ARL6IP1: variants seen among roughly 807,000 people sequenced by gnomAD.
The protein encoded by ARL6IP1 is ADP-ribosylation factor-like protein 6-interacting protein 1.
ARL6IP1 carries 16 observed loss-of-function variants against 30.1 expected under a neutral mutation model. The observed-to-expected ratio is 0.53, with a 90% CI of 0.36 to 0.81. The LOEUF (loss-of-function observed/expected upper bound fraction) is 0.81, where lower values mean the gene tolerates loss of function less well. Ranked by LOEUF, ARL6IP1 falls within the 30% of genes least tolerant of loss-of-function variation. The pLI is 0.01. For synonymous variants in ARL6IP1, 72 were observed against 84.8 expected, an observed-to-expected ratio of 0.85 and a Z score of 0.83; for missense variants, 173 against 242.7, an observed-to-expected ratio of 0.71 and a Z score of 1.91.
chr16:18,798,116 C>G, intron 2 of ARL6IP1, 72 bp from the exon 3 acceptor site: 1 of 1,386,162 alleles, frequency 7.2e-7, no homozygotes, highest in Admixed American at 2.5e-5. Flanking sequence ...TCTAACTTAA[C>G]TATTCACTTA....
chr16:18,800,877 G>A (rs578216535), intron 1 of ARL6IP1, among the ~76,000 whole-genome samples: 4 of 150,344 alleles, frequency 2.7e-5, no homozygotes, highest in Non-Finnish European at 4.4e-5. Context: ...CCAGACAAAC[G>A]CCAAGACATC....
In ARL6IP1 at chr16:18,797,869, C is replaced by G. The variant is rs1365702847; in HGVS notation, c.290+56G>C. ...CTTATTTACAGCATACTAATCACAG[C>G]CACCAAGTTCAGTAACTACACAAAA... On this transcript the variant is annotated intron_variant, in intron 3 of 5. Coordinates refer to ENST00000304414, the MANE Select transcript of ARL6IP1 (RefSeq NM_015161.3). The G allele has an allele frequency of 8.2e-6, 13 of 1,581,946 alleles. No homozygotes were observed. In the South Asian group the frequency reaches 1.3e-4, roughly 16 times the overall value.
chr16:18,798,035 G>A lies in ARL6IP1; in HGVS notation c.180C>T (p.Tyr60=), dbSNP rs1474221653. 6.3e-6 allele frequency: 10 copies of A among 1,595,032 alleles called. No individual in the cohort carries two copies. Among genetic ancestry groups the A allele is most frequent in the Admixed American group, 3.6e-5 (2 of 55,230 alleles). ...CGGACAGAACAGATGGATCTAGATA[G>A]TAGATAATCCTGTTAAAAAAATTAA... ...GVVSLVFLII[Y]YLDPSVLSGV... The change falls in exon 3 of 6, where the codon TAC becomes TAT. Residue 60 remains tyrosine, a synonymous_variant. Transcript: ENST00000304414.
chr16:18,801,406 C>A (rs1253897576), intron 1 of ARL6IP1, 25 bp downstream of exon 1: 6 of 1,612,128 alleles, frequency 3.7e-6, no homozygotes, highest in Non-Finnish European at 5.1e-6. Flanking sequence ...GCTCGGCTCC[C>A]GGGGGACAGG....
At chr16:18,798,196 C>A in intron 2 of ARL6IP1, 152 bp from the exon 3 acceptor site, 1 of 674,408 alleles carries the variant, frequency 1.5e-6, no homozygotes, top group Non-Finnish European at 2.4e-6. Flanking sequence ...TTTCCAGAGG[C>A]TTTGTGACAT....
At position 18,801,524 on chromosome 16, in the gene ARL6IP1, C is replaced by G; in HGVS notation, c.-58G>C. The stretch of plus-strand genomic sequence containing the variant: ...CCACCTCCCCAACGAGTCCTCCAAC[C>G]GAAACCCGCACACCAACCACAACCC... On this transcript the variant is annotated 5_prime_UTR_variant, in exon 1 of 6. Transcript: ENST00000304414. 2 of 1,594,522 alleles carry G rather than the reference C, an allele frequency of 1.3e-6. No homozygotes were observed. Among genetic ancestry groups the G allele is most frequent in the East Asian group, 2.3e-5 (1 of 44,238 alleles).
At position 18,791,764 on chromosome 16, in the gene ARL6IP1, A is replaced by C. The variant is rs1441014601; in HGVS notation, c.*1488T>G. 1 of 152,470 alleles carries C rather than the reference A, an allele frequency of 6.6e-6. No individual in the cohort carries two copies. The highest frequency in any genetic ancestry group is 1.5e-5 in the Non-Finnish European group (1 of 68,044). 9.4% of individuals were successfully genotyped at this position (152,470 alleles called of 1,614,324 possible). The stretch of plus-strand genomic sequence containing the variant: ...ACTGCAAAAGTAGTTAATCAGTAGA[A>C]TATGTATGCACACAAAAAATCCAGA... On this transcript the variant is annotated 3_prime_UTR_variant, in exon 6 of 6. Transcript: ENST00000304414.
At chr16:18,801,402 C>T in intron 1 of ARL6IP1, 29 bp downstream of exon 1, 30 of 1,611,942 alleles carry the variant, frequency 1.9e-5, no homozygotes, top group Non-Finnish European at 2.5e-5. Context: ...CCTCGCTCGG[C>T]TCCCGGGGGA....
At chr16:18,797,897 G>T in intron 3 of ARL6IP1, 28 bp downstream of exon 3, 1 of 1,601,376 alleles carries the variant, frequency 6.2e-7, no homozygotes, top group Non-Finnish European at 8.5e-7. Context: ...ACACAAAAAT[G>T]AGACTGCCAA....
Position 18,791,805 on chromosome 16 carries a change from AT to A in ARL6IP1, c.*1446del, listed in dbSNP as rs1470984502. On this transcript the variant is annotated 3_prime_UTR_variant, in exon 6 of 6. Coordinates refer to ENST00000304414, the MANE Select transcript of ARL6IP1 (RefSeq NM_015161.3). ...AAAATCCAGATAGGAAGACAGGCTT[AT>A]TTACAATGAAAGTAAGGTAAAATTA... The A allele has an allele frequency of 6.6e-6, 1 of 152,566 alleles. No individual in the cohort carries two copies. The highest frequency in any genetic ancestry group is 2.4e-5 in the African/African-American group (1 of 41,448). The allele number at this position is 152,566 out of a possible 1,614,324, so 9.5% of individuals were successfully genotyped here.
Position 18,793,234 on chromosome 16 carries a change from C to T in ARL6IP1, c.*18G>A, listed in dbSNP as rs1413290035. The stretch of plus-strand genomic sequence containing the variant: ...GGCAATGGGTGCTGCATTAATCACA[C>T]TGATTAAAGCAGATGAATCATTCGT... On this transcript the variant is annotated 3_prime_UTR_variant, in exon 6 of 6. Transcript: ENST00000304414. 6.7e-7 allele frequency: 1 copy of T among 1,500,538 alleles called. No individual in the cohort carries two copies. Among genetic ancestry groups the T allele is most frequent in the Middle Eastern group, 2.3e-4 (1 of 4,386 alleles). The allele number at this position is 1,500,538 out of a possible 1,614,324, so 93.0% of individuals were successfully genotyped here. A position where few individuals can be genotyped will look rare whatever the true frequency, so the allele number is the denominator to read the frequency against.
chr16:18,796,707 A>G (rs369652554), intron 3 of ARL6IP1, among the ~76,000 whole-genome samples: 5 of 152,260 alleles, frequency 3.3e-5, no homozygotes, highest in African/African-American at 1.2e-4. Context: ...GTGAAAAACA[A>G]TTTGGACAGT....
intron 1 of ARL6IP1, among the ~76,000 whole-genome samples, chr16:18,800,066 A>G (rs989782160): frequency 1.3e-5 from 2 of 152,230 alleles, no homozygotes; most frequent in South Asian, 2.1e-4. Flanking sequence ...TGCAAATGAC[A>G]GAACAAGGCA....
chr16:18,793,432 T>C (rs1189134792), intron 5 of ARL6IP1, 62 bp from the exon 6 acceptor site: 5 of 80,582 alleles, frequency 6.2e-5, no homozygotes, highest in Non-Finnish European at 1.3e-4. Flanking sequence ...AGGTTATTAC[T>C]TTTTTTTTTT....
At chr16:18,794,563 C>A (rs777003852) in intron 5 of ARL6IP1, 36 bp downstream of exon 5, 1 of 1,525,638 alleles carries the variant, frequency 6.6e-7, no homozygotes, top group Admixed American at 1.7e-5. Flanking sequence ...ATTTCACTGG[C>A]CAGGATGTGC....
intron 2 of ARL6IP1, 30 bp from the exon 3 acceptor site, chr16:18,798,074 AACAT>A: frequency 3.9e-6 from 6 of 1,550,650 alleles, no homozygotes; most frequent in Non-Finnish European, 5.2e-6. Flanking sequence ...AGGTTAGAAA[AACAT>A]AGTCATTATT....
chr16:18,799,496 G>C (rs991742009), intron 1 of ARL6IP1, among the ~76,000 whole-genome samples: 3 of 152,302 alleles, frequency 2.0e-5, no homozygotes, highest in Middle Eastern at 3.4e-3. Flanking sequence ...GCAGTGCCCA[G>C]AGTATTAATA....
At chr16:18,798,208 C>T in intron 2 of ARL6IP1, 164 bp from the exon 3 acceptor site, 1 of 609,402 alleles carries the variant, frequency 1.6e-6, no homozygotes, top group Non-Finnish European at 2.8e-6. Flanking sequence ...TTGTGACATG[C>T]TGATATCATA....
chr16:18,800,031 T>A (rs1315475380), intron 1 of ARL6IP1, among the ~76,000 whole-genome samples: 1 of 152,160 alleles, frequency 6.6e-6, no homozygotes, highest in East Asian at 1.9e-4. Context: ...CTTGTCTCTT[T>A]GTAAAAGTCA....
Sources: allele counts gnomAD v4.1 joint callset (sites outside exome capture counted in the v4.1 genomes callset), GRCh38; gene constraint gnomAD v4.1.1; transcripts MANE v1.5; gene names NCBI Gene and HGNC (gene_info 2026-07-23, HGNC 2026-07-21).